TRIP12: variants seen among roughly 807,000 people sequenced by gnomAD.
TRIP12 encodes the protein E3 ubiquitin-protein ligase TRIP12.
Under a neutral mutation model 244.2 loss-of-function variants are expected in TRIP12, and 25 were observed. The ratio of observed to expected loss-of-function variants is 0.10; its 90% confidence interval spans 0.07 to 0.14. TRIP12 has a LOEUF of 0.14. Ranked by LOEUF, TRIP12 falls within the 10% of genes least tolerant of loss-of-function variation. The pLI, the probability that TRIP12 is intolerant of heterozygous loss-of-function variation, is 1.00. For missense variants in TRIP12, 1,677 were observed against 2,486.4 expected (o/e 0.67, Z 6.92); for synonymous variants, 905 against 873.1 (o/e 1.04, Z -0.64).
At chr2:229,785,563 G>A (rs1244646221) in intron 34 of TRIP12, among the ~76,000 whole-genome samples, 194 bp downstream of exon 34, 4 of 151,996 alleles carry the variant, frequency 2.6e-5, no homozygotes, top group Admixed American at 6.6e-5. Flanking sequence ...GTGTTCTTAC[G>A]CCAGGAAAAA....
intron 4 of TRIP12, among the ~76,000 whole-genome samples, chr2:229,856,007 T>A (rs1407001144): frequency 4.3e-5 from 6 of 138,078 alleles, no homozygotes; most frequent in Non-Finnish European, 7.7e-5. Context: ...CTACACACAC[T>A]CCAGCCTGGG....
intron 31 of TRIP12, among the ~76,000 whole-genome samples, chr2:229,789,306 A>G (rs887695605): frequency 2.6e-5 from 4 of 152,228 alleles, no homozygotes; most frequent in Admixed American, 2.6e-4. Flanking sequence ...CTTGATATAT[A>G]AACTTCTGGT....
rs762944672 is a variant in TRIP12 at position 229,814,042 on chromosome 2, G to C, written c.1825-11C>G. ...GTCTGCCAAACCACCCTAAAATATA[G>C]AAAACTGTTAAGGTAAAGAAAAATC... On this transcript the variant is annotated splice_polypyrimidine_tract_variant and intron_variant, in intron 12 of 41. Transcript: ENST00000675903. 8.3e-6 allele frequency: 13 copies of C among 1,564,034 alleles called. No homozygotes were observed. Among genetic ancestry groups the C allele is most frequent in the Non-Finnish European group, 1.0e-5 (12 of 1,144,894 alleles).
At chr2:229,871,327 T>TA (rs1333818783) in intron 2 of TRIP12, among the ~76,000 whole-genome samples, 1 of 152,186 alleles carries the variant, frequency 6.6e-6, no homozygotes, top group Non-Finnish European at 1.5e-5. Context: ...ACATTAGTAA[T>TA]ATGGTTTATA....
intron 2 of TRIP12, among the ~76,000 whole-genome samples, chr2:229,861,738 GAA>G (rs1278466031): frequency 2.6e-5 from 4 of 152,066 alleles, no homozygotes; most frequent in Non-Finnish European, 4.4e-5. Flanking sequence ...CAGAATTCAT[GAA>G]AAGAGTCTTA....
At chr2:229,803,871 A>G in intron 19 of TRIP12, 128 bp downstream of exon 19, 1 of 916,306 alleles carries the variant, frequency 1.1e-6, no homozygotes, top group Non-Finnish European at 1.6e-6. Context: ...ATAAATAGAC[A>G]AAAAAGAGCT....
intron 2 of TRIP12, among the ~76,000 whole-genome samples, chr2:229,873,860 G>A (rs2063126526): frequency 6.6e-6 from 1 of 151,914 alleles, no homozygotes; most frequent in African/African-American, 2.4e-5. Context: ...TGAGAAGTAG[G>A]CAACTGTATA....
At chr2:229,861,280 T>C (rs920457419) in intron 2 of TRIP12, among the ~76,000 whole-genome samples, 1 of 152,164 alleles carries the variant, frequency 6.6e-6, no homozygotes, top group African/African-American at 2.4e-5. Flanking sequence ...TAAAAGCAAG[T>C]TTGAGGAACA....
At chr2:229,903,802 G>A (rs1253249782) in intron 1 of TRIP12, among the ~76,000 whole-genome samples, 2 of 150,456 alleles carry the variant, frequency 1.3e-5, no homozygotes, top group East Asian at 3.9e-4. Context: ...GATCACTTGA[G>A]CTCAGGAGTT....
intron 1 of TRIP12, 70 bp downstream of exon 1, chr2:229,921,810 C>A (rs1325903846): frequency 7.7e-6 from 1 of 130,314 alleles, no homozygotes; most frequent in East Asian, 3.0e-4. Context: ...CTCCCCCCGC[C>A]CCCCCAACCC....
intron 2 of TRIP12, among the ~76,000 whole-genome samples, chr2:229,876,759 G>A (rs957925865): frequency 6.6e-6 from 1 of 152,156 alleles, no homozygotes; most frequent in South Asian, 2.1e-4. Context: ...GAACTCCTCG[G>A]CTCAAGCGAT....
At chr2:229,903,339 T>C (rs1391768163) in intron 1 of TRIP12, among the ~76,000 whole-genome samples, 1 of 152,088 alleles carries the variant, frequency 6.6e-6, no homozygotes, top group Non-Finnish European at 1.5e-5. Context: ...GTTTAAGGCC[T>C]TGTTGGTCAA....
At chr2:229,858,020 T>C (rs989005213) in intron 4 of TRIP12, among the ~76,000 whole-genome samples, 1 of 152,188 alleles carries the variant, frequency 6.6e-6, no homozygotes, top group African/African-American at 2.4e-5. Context: ...GGTATATTTA[T>C]AGTAATAACT....
intron 2 of TRIP12, among the ~76,000 whole-genome samples, chr2:229,867,342 T>C (rs1255349100): frequency 6.6e-6 from 1 of 151,948 alleles, no homozygotes; most frequent in Non-Finnish European, 1.5e-5. Flanking sequence ...ATTTTTATAT[T>C]TTTAGTAAAG....
chr2:229,819,412 G>A (rs1400404336), intron 8 of TRIP12, among the ~76,000 whole-genome samples: 2 of 152,174 alleles, frequency 1.3e-5, no homozygotes, highest in Admixed American at 6.5e-5. Flanking sequence ...GAGCGCAGTG[G>A]TGTGCACCTG....
intron 1 of TRIP12, 143 bp from the exon 2 acceptor site, chr2:229,880,271 G>T (rs1641763957): frequency 3.3e-6 from 2 of 599,200 alleles, no homozygotes; most frequent in Non-Finnish European, 5.8e-6. Context: ...ATGTCTCACT[G>T]AACTGTGAAG....
rs376542085 is a variant in TRIP12 at position 229,840,842 on chromosome 2, C to T, written c.1113G>A (p.Thr371=). The change falls in exon 5 of 42, where the codon ACG becomes ACA. Residue 371 remains threonine, a synonymous_variant. Coordinates refer to ENST00000675903, the MANE Select transcript of TRIP12 (RefSeq NM_001348323.3). ...ATTACCTGGTACTAGCACAGGAGCC[C>T]GTGGTCTTTTGGCGTGTGCTCCGCC... ...SLRRSTRQKT[T]GSCASTSRRG... 7.5e-6 allele frequency: 12 copies of T among 1,599,746 alleles called. No homozygotes were observed. The highest frequency in any genetic ancestry group is 1.8e-5 in the Admixed American group (1 of 55,820).
chr2:229,887,254 ACTACT>A (rs1379931616), intron 1 of TRIP12, among the ~76,000 whole-genome samples: 2 of 152,238 alleles, frequency 1.3e-5, no homozygotes, highest in African/African-American at 4.8e-5. Flanking sequence ...GATCAAATGT[ACTACT>A]CTAAACAAAG....
chr2:229,805,633 GC>G, intron 18 of TRIP12, 96 bp downstream of exon 18: 1 of 1,225,428 alleles, frequency 8.2e-7, no homozygotes, highest in Non-Finnish European at 1.1e-6. Context: ...ATTGTCTTAA[GC>G]TTAAAAAGAT....
Sources: allele counts gnomAD v4.1 joint callset (sites outside exome capture counted in the v4.1 genomes callset), GRCh38; gene constraint gnomAD v4.1.1; transcripts MANE v1.5; gene names NCBI Gene and HGNC (gene_info 2026-07-23, HGNC 2026-07-21).